Variants in USP45 observed in about 807,000 individuals in gnomAD.
The protein encoded by USP45 is ubiquitin carboxyl-terminal hydrolase 45.
A neutral mutation model predicts 95.8 loss-of-function variants in USP45; 89 were observed. The observed-to-expected ratio is 0.93, with a 90% CI of 0.78 to 1.11. The LOEUF is 1.11. USP45 is among the 50% of genes least tolerant of loss of function. USP45 has a pLI of 0.00. For missense variants in USP45, 898 were observed against 942.5 expected (o/e 0.95, Z 0.62); for synonymous variants, 281 against 316.2 (o/e 0.89, Z 1.18).
intron 1 of USP45, among the ~76,000 whole-genome samples, chr6:99,514,020 A>G (rs1800531361): frequency 6.6e-6 from 1 of 152,198 alleles, no homozygotes; most frequent in East Asian, 1.9e-4. Flanking sequence ...CTCGTAAAAA[A>G]ACGGCACTTA....
At chr6:99,466,580 ATGAC>A (rs1788026754) in intron 11 of USP45, 88 bp downstream of exon 11, 1 of 1,065,126 alleles carries the variant, frequency 9.4e-7, no homozygotes, top group Non-Finnish European at 1.4e-6. Context: ...AATTTTAAAA[ATGAC>A]TGCCAATGAT....
At chr6:99,514,309 T>C (rs1409662773) in intron 1 of USP45, among the ~76,000 whole-genome samples, 2 of 152,158 alleles carry the variant, frequency 1.3e-5, no homozygotes, top group Non-Finnish European at 2.9e-5. Context: ...TGCAGCAGTT[T>C]CCGCGCAGGG....
chr6:99,503,980 T>C, intron 4 of USP45, 115 bp from the exon 5 acceptor site: 139 of 554,064 alleles, frequency 2.5e-4, no homozygotes, highest in East Asian at 6.0e-4. Flanking sequence ...TGGGAGGGAA[T>C]ACAAAGGGGA....
At chr6:99,508,824 A>G (rs1295227182) in intron 2 of USP45, 42 bp from the exon 3 acceptor site, 1 of 1,553,356 alleles carries the variant, frequency 6.4e-7, no homozygotes, top group Admixed American at 1.9e-5. Context: ...TCTTTGCTAC[A>G]CCAAAGTGCT....
intron 13 of USP45, among the ~76,000 whole-genome samples, chr6:99,456,134 GAAAAAAAAA>G (rs71021737): frequency 6.7e-5 from 6 of 89,534 alleles, no homozygotes; most frequent in East Asian, 5.3e-4. Flanking sequence ...CTCTGTCTCG[GAAAAAAAAA>G]AAAAAAAAAA....
intron 5 of USP45, among the ~76,000 whole-genome samples, chr6:99,494,774 G>A (rs2128751874): frequency 6.6e-6 from 1 of 152,188 alleles, no homozygotes; most frequent in Admixed American, 6.5e-5. Context: ...CTTGCCTGTA[G>A]TCCAAGCTAC....
intron 5 of USP45, chr6:99,502,026 C>A: frequency 7.7e-7 from 1 of 1,294,172 alleles, no homozygotes; most frequent in Non-Finnish European, 1.0e-6. Context: ...GAAAGACCAA[C>A]CATGTGATTA....
At chr6:99,484,367 G>C (rs550570709) in intron 7 of USP45, among the ~76,000 whole-genome samples, 14 of 143,740 alleles carry the variant, frequency 9.7e-5, no homozygotes, top group African/African-American at 1.3e-4. Context: ...GGGGGTAGAG[G>C]GGGGGTCTCA....
At chr6:99,462,154 G>C (rs532020796) in intron 13 of USP45, 1 of 979,628 alleles carries the variant, frequency 1.0e-6, no homozygotes, top group East Asian at 1.1e-4. Flanking sequence ...TGAAAAAAAC[G>C]TTCAATAAAG....
At chr6:99,457,589 T>C (rs1272552686) in intron 13 of USP45, among the ~76,000 whole-genome samples, 1 of 152,224 alleles carries the variant, frequency 6.6e-6, no homozygotes, top group African/African-American at 2.4e-5. Context: ...AGAAAATTAA[T>C]GGTCAATGGA....
At chr6:99,477,406 C>A (rs1791134304) in intron 8 of USP45, among the ~76,000 whole-genome samples, 1 of 152,154 alleles carries the variant, frequency 6.6e-6, no homozygotes, top group Non-Finnish European at 1.5e-5. Context: ...TGGGTTCAAG[C>A]AATTCTCCTG....
intron 13 of USP45, among the ~76,000 whole-genome samples, chr6:99,453,787 C>T (rs1046407138): frequency 6.6e-6 from 1 of 151,978 alleles, no homozygotes; most frequent in Non-Finnish European, 1.5e-5. Context: ...GGTGAAACCC[C>T]ATCTCTACTA....
At chr6:99,502,905 T>C (rs1797700762) in intron 5 of USP45, among the ~76,000 whole-genome samples, 1 of 152,192 alleles carries the variant, frequency 6.6e-6, no homozygotes. Flanking sequence ...GAAAGTTTCC[T>C]GAGGCCTCCC....
chr6:99,491,245 G>A (rs1371218709), intron 5 of USP45, among the ~76,000 whole-genome samples: 2 of 152,140 alleles, frequency 1.3e-5, no homozygotes, highest in African/African-American at 2.4e-5. Flanking sequence ...AAGAAAAGGG[G>A]GAAGAGGCCA....
At chr6:99,511,486 T>G (rs1178929990) in intron 1 of USP45, among the ~76,000 whole-genome samples, 1 of 152,040 alleles carries the variant, frequency 6.6e-6, no homozygotes, top group Admixed American at 6.6e-5. Flanking sequence ...CTCACTCTGA[T>G]GGCCCAGGCT....
Position 99,435,832 on chromosome 6 carries a change from C to T in USP45, c.2329G>A (p.Asp777Asn), listed in dbSNP as rs761118434. Residue 777 changes from aspartate (D) to asparagine (N), a missense_variant, in exon 18 of 18, where the codon GAT (aspartate) becomes AAT (asparagine). Asp to Asn is a conservative substitution (Grantham distance 23, BLOSUM62 1). Transcript: ENST00000500704. ...KKNVPGLKAA[D>N]NESAGQWVHV... ...ACCCACTGGCCTGCTGATTCATTAT[C>T]AGCCGCTTTCAAACCTAGCAAAACA... 4.3e-5 allele frequency: 69 copies of T among 1,611,028 alleles called. No homozygotes were observed. Among genetic ancestry groups the T allele is most frequent in the Middle Eastern group, 3.3e-4 (2 of 6,070 alleles).
chr6:99,517,782 T>C (rs114752429), upstream of USP45, among the ~76,000 whole-genome samples: 944 of 151,972 alleles, frequency 6.2e-3, 13 homozygotes, highest in African/African-American at 0.021. Flanking sequence ...ATATCAAGTA[T>C]ATATTTTTAA....
chr6:99,463,069 T>G (rs866696821), intron 13 of USP45, among the ~76,000 whole-genome samples: 22 of 151,888 alleles, frequency 1.4e-4, no homozygotes, highest in Middle Eastern at 3.2e-3. Context: ...TATAAAAAAG[T>G]TTTTTTTGCT....
rs1452461009 is a variant in USP45, at chr6:99,480,199, T to C, written c.845+2554A>G. ...AATTCTTAAGATAAATCTAACAAAA[T>C]ATGTGCGGGATTTGTATGCTGAAAA... is the stretch of plus-strand genomic sequence containing the variant. On this transcript the variant is annotated intron_variant, in intron 8 of 17. Coordinates refer to ENST00000500704, the MANE Select transcript of USP45 (RefSeq NM_001346022.3). Among the ~76,000 whole-genome samples, 3 of 152,090 alleles carry C rather than the reference T, an allele frequency of 2.0e-5. No homozygotes were observed. In the East Asian group the frequency reaches 5.8e-4, roughly 29 times the overall value.
Sources: allele counts gnomAD v4.1 joint callset (sites outside exome capture counted in the v4.1 genomes callset), GRCh38; gene constraint gnomAD v4.1.1; transcripts MANE v1.5; gene names NCBI Gene and HGNC (gene_info 2026-07-23, HGNC 2026-07-21).